Variants in ANKRD28 observed in about 807,000 individuals in gnomAD.
The protein encoded by ANKRD28 is ankyrin repeat domain 28.
A neutral mutation model predicts 126.5 loss-of-function variants in ANKRD28; 44 were observed. That is an observed-to-expected ratio of 0.35 (90% confidence interval 0.27 to 0.45). The LOEUF is 0.45. Ranked by LOEUF, ANKRD28 falls within the 20% of genes least tolerant of loss-of-function variation. The probability of loss-of-function intolerance (pLI) is 1.00; values close to 1 mark genes in which losing one functional copy is unlikely to be tolerated. For missense variants in ANKRD28, 1,110 were observed against 1,316.6 expected, an observed-to-expected ratio of 0.84 and a Z score of 2.43; for synonymous variants, 442 against 468.5, an observed-to-expected ratio of 0.94 and a Z score of 0.73.
chr3:15,725,813 G>A (rs1466216634), intron 6 of ANKRD28, among the ~76,000 whole-genome samples: 4 of 152,248 alleles, frequency 2.6e-5, no homozygotes, highest in East Asian at 1.9e-4. Flanking sequence ...TGAGGCTGAG[G>A]CAGGCAGATC....
intron 1 of ANKRD28, among the ~76,000 whole-genome samples, chr3:15,842,103 T>C (rs2061435584): frequency 6.7e-6 from 1 of 149,554 alleles, no homozygotes; most frequent in Non-Finnish European, 1.5e-5. Context: ...TAATAATTGA[T>C]ATATAATATG....
chr3:15,818,421 T>C (rs937122421), intron 1 of ANKRD28, among the ~76,000 whole-genome samples: 2 of 152,230 alleles, frequency 1.3e-5, no homozygotes, highest in African/African-American at 2.4e-5. Context: ...GTATAAGATG[T>C]ATATGAAACA....
At chr3:15,829,613 C>T (rs149033706) in intron 1 of ANKRD28, among the ~76,000 whole-genome samples, 8 of 152,180 alleles carry the variant, frequency 5.3e-5, no homozygotes, top group African/African-American at 2.4e-5. Context: ...CACTGGTTTA[C>T]GAAGGTCTTC....
chr3:15,744,799 T>C (rs561723158), intron 4 of ANKRD28, among the ~76,000 whole-genome samples: 4 of 152,312 alleles, frequency 2.6e-5, no homozygotes, highest in Admixed American at 2.6e-4. Flanking sequence ...GTAGATTTAG[T>C]TCTTTAAGGA....
At chr3:15,762,215 AAAAC>A (rs147290280) in intron 3 of ANKRD28, among the ~76,000 whole-genome samples, 69 of 25,202 alleles carry the variant, frequency 2.7e-3, no homozygotes, top group African/African-American at 5.9e-3. Flanking sequence ...AAAAAAAAAC[AAAAC>A]AAAAAAAAAA....
intron 10 of ANKRD28, among the ~76,000 whole-genome samples, chr3:15,713,180 AT>A (rs1249593531): frequency 6.6e-6 from 1 of 152,172 alleles, no homozygotes; most frequent in Admixed American, 6.5e-5. Flanking sequence ...TACAGATAGT[AT>A]TTGGATTAAA....
chr3:15,700,458 C>A (rs75359390), intron 14 of ANKRD28, among the ~76,000 whole-genome samples: 5 of 146,784 alleles, frequency 3.4e-5, no homozygotes, highest in Admixed American at 6.7e-5. Flanking sequence ...AGTATAATGA[C>A]AAAAAAAAAA....
intron 1 of ANKRD28, among the ~76,000 whole-genome samples, chr3:15,813,281 G>A (rs1427313396): frequency 6.6e-6 from 1 of 151,996 alleles, no homozygotes; most frequent in East Asian, 1.9e-4. Context: ...TGGGATGATC[G>A]CTTGAGCCCG....
At chr3:15,702,305 G>A (rs1049106184) in intron 14 of ANKRD28, among the ~76,000 whole-genome samples, 1 of 152,140 alleles carries the variant, frequency 6.6e-6, no homozygotes, top group Non-Finnish European at 1.5e-5. Context: ...ATAAAATACT[G>A]AATCACAAAA....
At chr3:15,831,240 C>T (rs79642013) in intron 1 of ANKRD28, among the ~76,000 whole-genome samples, 1,939 of 152,272 alleles carry the variant, frequency 0.013, 45 homozygotes, top group African/African-American at 0.044. Flanking sequence ...AGATCAAACT[C>T]CTGAGTATAT....
At position 15,712,220 on chromosome 3, in the gene ANKRD28, C is replaced by T. The variant is rs746993798; in HGVS notation, c.1193G>A (p.Arg398His). ...GAGGGGGAACATTCCATGTATGCCA[C>T]GCCTAAAGTTAATAGAACAGGACAG... ...LITSGADTAK[R>H]GIHGMFPLHL... is the part of the protein sequence containing the mutation. Residue 398 changes from arginine to histidine, a missense_variant and splice_region_variant, in exon 11 of 28, where the codon CGT becomes CAT. Arg to His is a conservative substitution (Grantham distance 29, BLOSUM62 0). Coordinates refer to ENST00000683139, the MANE Select transcript of ANKRD28 (RefSeq NM_001349278.2). 33 of 1,575,806 alleles carry T rather than the reference C, an allele frequency of 2.1e-5. No individual in the cohort carries two copies. The African/African-American group carries it at 2.8e-4, about 14-fold the overall frequency.
At chr3:15,775,817 C>A (rs1053048411) in intron 2 of ANKRD28, among the ~76,000 whole-genome samples, 2 of 152,152 alleles carry the variant, frequency 1.3e-5, no homozygotes, top group African/African-American at 4.8e-5. Context: ...TGAACCCAGT[C>A]CTTTTGGGCT....
chr3:15,831,222 G>A (rs1022870202), intron 1 of ANKRD28, among the ~76,000 whole-genome samples: 2 of 152,110 alleles, frequency 1.3e-5, no homozygotes, highest in African/African-American at 4.8e-5. Flanking sequence ...AACTAAACAA[G>A]CTGGTCAAGA....
chr3:15,673,666 A>C (rs2066608016), intron 27 of ANKRD28, among the ~76,000 whole-genome samples: 1 of 152,172 alleles, frequency 6.6e-6, no homozygotes, highest in African/African-American at 2.4e-5. Context: ...CTTCATTGAG[A>C]AGATGAAACT....
At chr3:15,714,381 A>T (rs1452649461) in intron 9 of ANKRD28, among the ~76,000 whole-genome samples, 197 bp downstream of exon 9, 1 of 152,104 alleles carries the variant, frequency 6.6e-6, no homozygotes, top group Non-Finnish European at 1.5e-5. Flanking sequence ...AAAACATAAA[A>T]AACAAAAGTA....
In ANKRD28 at chr3:15,853,443, C is replaced by A. The variant is rs2061695567; in HGVS notation, c.27+5934G>T. 6.6e-6 allele frequency among the ~76,000 whole-genome samples: 1 copy of A among 152,150 alleles called. No homozygotes were observed. The highest frequency in any genetic ancestry group is 1.9e-4 in the East Asian group (1 of 5,168). ...ACTATTTGGGTTATCTGCTCTTTAA[C>A]TACCATAATCAATGTTTTATGGTTT... On this transcript the variant is annotated intron_variant, in intron 1 of 27. Transcript: ENST00000399451. This position sits in a 1 kb window ranked among gnomAD's most constrained non-coding sequence, Gnocchi z 4.2.
In ANKRD28 at chr3:15,833,481, A is replaced by G. The variant is rs1473378753; in HGVS notation, c.27+25896T>C. The stretch of plus-strand genomic sequence containing the variant: ...TACTTAAACTCCCCTTCATATATAT[A>G]TAATATATAAAAATATACTACATAT... On this transcript the variant is annotated intron_variant, in intron 1 of 27. Coordinates refer to the ANKRD28 transcript ENST00000399451. The surrounding 1 kb of genome is among the most constrained non-coding windows in gnomAD (Gnocchi z 4.4). Among the ~76,000 whole-genome samples, 3 of 148,872 alleles carry G rather than the reference A, an allele frequency of 2.0e-5. No individual in the cohort carries two copies. Among genetic ancestry groups the G allele is most frequent in the Non-Finnish European group, 4.5e-5 (3 of 67,392 alleles).
chr3:15,795,250 T>G lies in ANKRD28; in HGVS notation c.174A>C (p.Ile58=). The change falls in exon 2 of 28, where the codon ATA becomes ATC. Residue 58 remains isoleucine (I), a synonymous_variant. Transcript: ENST00000683139. The part of the protein sequence containing the change: ...NGDPDEVRAL[I]FKKEDVNFQD... ...GAAAGTTAACATCTTCTTTCTTAAA[T>G]ATTAGTGCTCGAACTTCATCAGGAT... 6.2e-7 allele frequency: 1 copy of G among 1,612,628 alleles called. No homozygotes were observed. Among genetic ancestry groups the G allele is most frequent in the Admixed American group, 1.7e-5 (1 of 60,006 alleles).
chr3:15,820,666 T>C (rs2060924350), intron 1 of ANKRD28, among the ~76,000 whole-genome samples: 1 of 152,106 alleles, frequency 6.6e-6, no homozygotes, highest in Non-Finnish European at 1.5e-5. Flanking sequence ...TCCAAAGACA[T>C]TGAGGAATGG....
Sources: allele counts gnomAD v4.1 joint callset (sites outside exome capture counted in the v4.1 genomes callset), GRCh38; gene constraint gnomAD v4.1.1; non-coding constraint Gnocchi (gnomAD v3.1); transcripts MANE v1.5; gene names NCBI Gene and HGNC (gene_info 2026-07-23, HGNC 2026-07-21).